KLHL7: variants seen among roughly 807,000 people sequenced by gnomAD.
KLHL7 encodes the protein kelch-like protein 7.
A neutral mutation model predicts 67.4 loss-of-function variants in KLHL7; 44 were observed. That is an observed-to-expected ratio of 0.65 (90% CI 0.51 to 0.84). The LOEUF is 0.84. Among genes scored for constraint, KLHL7 ranks in the 40% least tolerant of loss-of-function variants. KLHL7 has a pLI of 0.00. For synonymous variants in KLHL7, 252 were observed against 243.3 expected (o/e 1.04, Z -0.33); for missense variants, 362 against 718.1 (o/e 0.50, Z 5.67).
chr7:23,153,230 G>T (rs55788996), intron 7 of KLHL7, among the ~76,000 whole-genome samples: 2 of 151,666 alleles, frequency 1.3e-5, no homozygotes, highest in African/African-American at 2.4e-5. Flanking sequence ...GCGGCGGGGG[G>T]GCTACAACGC....
intron 9 of KLHL7, among the ~76,000 whole-genome samples, chr7:23,171,849 A>G (rs2128470283): frequency 6.6e-6 from 1 of 152,234 alleles, no homozygotes; most frequent in South Asian, 2.1e-4. Context: ...AGCTGGGACT[A>G]CAGGCGCCTG....
intron 7 of KLHL7, 94 bp downstream of exon 7, chr7:23,152,303 T>G: frequency 9.1e-7 from 1 of 1,100,268 alleles, no homozygotes; most frequent in Non-Finnish European, 1.4e-6. Flanking sequence ...AACTCATACC[T>G]TTAGAGATGA....
intron 1 of KLHL7, among the ~76,000 whole-genome samples, chr7:23,118,267 A>G (rs1472927191): frequency 6.6e-6 from 1 of 152,214 alleles, no homozygotes; most frequent in Admixed American, 6.5e-5. Flanking sequence ...AGCAGCACCA[A>G]AGTTTCTTTC....
chr7:23,142,694 A>G (rs905608318), intron 5 of KLHL7, among the ~76,000 whole-genome samples: 5 of 152,188 alleles, frequency 3.3e-5, no homozygotes, highest in Admixed American at 2.0e-4. Context: ...TAAGTAACAC[A>G]TCAGATAAAC....
intron 7 of KLHL7, among the ~76,000 whole-genome samples, chr7:23,158,567 A>G (rs1157973473): frequency 1.3e-5 from 2 of 152,214 alleles, no homozygotes; most frequent in Non-Finnish European, 2.9e-5. Flanking sequence ...CTTACCTGTT[A>G]CTAACAACAG....
chr7:23,177,489 T>G lies in KLHL7; in HGVS notation c.*3191T>G, dbSNP rs1219641829. On this transcript the variant is annotated 3_prime_UTR_variant, in exon 11 of 11. Transcript: ENST00000339077. Reference sequence around the variant, plus strand: ...TGTATCATAATTCCCAATTAGTGTCTTTTTCTGCCTTGGAAATTTCTACAG... The same window carrying G: ...TGTATCATAATTCCCAATTAGTGTCGTTTTCTGCCTTGGAAATTTCTACAG... 1.3e-5 allele frequency: 2 copies of G among 152,172 alleles called. No individual in the cohort carries two copies. Among genetic ancestry groups the G allele is most frequent in the Admixed American group, 6.5e-5 (1 of 15,280 alleles). The allele number at this position is 152,172 out of a possible 1,614,324, so 9.4% of individuals were successfully genotyped here.
intron 4 of KLHL7, among the ~76,000 whole-genome samples, chr7:23,130,664 G>T (rs1168262636): frequency 6.6e-6 from 1 of 152,104 alleles, no homozygotes; most frequent in Non-Finnish European, 1.5e-5. Flanking sequence ...GTAATTTAAA[G>T]ACTTATTTTT....
At chr7:23,144,976 T>C (rs1030925212) in intron 6 of KLHL7, among the ~76,000 whole-genome samples, 3 of 150,784 alleles carry the variant, frequency 2.0e-5, no homozygotes, top group Non-Finnish European at 4.4e-5. Context: ...CATGTGCCTG[T>C]GGTCCCAACT....
In KLHL7 at chr7:23,167,904, A is replaced by C; in HGVS notation, c.1246A>C (p.Met416Leu). 1 of 1,614,260 alleles carries C rather than the reference A, an allele frequency of 6.2e-7. No homozygotes were observed. The highest frequency in any genetic ancestry group is 8.5e-7 in the Non-Finnish European group (1 of 1,180,044). Reference sequence around the variant, plus strand: ...TGAAAGCTGGCACACAAAGCCCAGCATGCTGACCCAGCGCTGCAGCCATGG... The same window carrying C: ...TGAAAGCTGGCACACAAAGCCCAGCCTGCTGACCCAGCGCTGCAGCCATGG... ...RTESWHTKPS[M>L]LTQRCSHGMV... is the part of the protein sequence containing the mutation. The change falls in exon 9 of 11, where the codon ATG (methionine) becomes CTG (leucine). Residue 416 changes from methionine (M) to leucine (L), a missense_variant. Transcript: ENST00000339077.
chr7:23,160,612 C>A (rs932605058), intron 7 of KLHL7, among the ~76,000 whole-genome samples: 1 of 152,180 alleles, frequency 6.6e-6, no homozygotes, highest in African/African-American at 2.4e-5. Flanking sequence ...CTGATTTTAT[C>A]TAGCAGCCTG....
intron 1 of KLHL7, among the ~76,000 whole-genome samples, chr7:23,107,931 A>G (rs1315704464): frequency 1.3e-5 from 2 of 152,252 alleles, no homozygotes; most frequent in Non-Finnish European, 2.9e-5. Flanking sequence ...GTTTAACATC[A>G]TAACACAGGA....
At position 23,174,040 on chromosome 7, in the gene KLHL7, C is replaced by T. The variant is rs147111813; in HGVS notation, c.1503C>T (p.Tyr501=). 70 of 1,613,838 alleles carry T rather than the reference C, an allele frequency of 4.3e-5. No homozygotes were observed. Among genetic ancestry groups the T allele is most frequent in the African/African-American group, 6.7e-5 (5 of 74,858 alleles). Residue 501 remains tyrosine (Y), a synonymous_variant, in exon 11 of 11, where the codon TAC becomes TAT. Coordinates refer to ENST00000339077, the MANE Select transcript of KLHL7 (RefSeq NM_001031710.3). ...GLGGLDNVEY[Y]DIKLNEWKMV... Reference sequence around the variant, plus strand: ...GTGGTCTGGACAATGTGGAATATTACGATATTAAGTTGAACGAATGGAAGA... The same window carrying T: ...GTGGTCTGGACAATGTGGAATATTATGATATTAAGTTGAACGAATGGAAGA...
At chr7:23,129,237 C>T (rs2128461547) in intron 4 of KLHL7, 1 of 227,994 alleles carries the variant, frequency 4.4e-6, no homozygotes, top group Non-Finnish European at 8.7e-6. Context: ...TGGGCTTAGG[C>T]AAGGGCACTG....
At chr7:23,112,282 C>G (rs1275112077) in intron 1 of KLHL7, among the ~76,000 whole-genome samples, 1 of 152,010 alleles carries the variant, frequency 6.6e-6, no homozygotes, top group Admixed American at 6.6e-5. Context: ...GGAAAAGGAT[C>G]AAAGCATTGG....
intron 1 of KLHL7, among the ~76,000 whole-genome samples, chr7:23,123,490 A>T (rs1173149604): frequency 6.6e-6 from 1 of 152,082 alleles, no homozygotes; most frequent in African/African-American, 2.4e-5. Flanking sequence ...GTCAGAAAAA[A>T]AAAAAAAAAA....
Position 23,106,005 on chromosome 7 carries a change from G to A in KLHL7, c.-22G>A. The A allele has an allele frequency of 6.2e-7, 1 of 1,607,404 alleles. No individual in the cohort carries two copies. Among genetic ancestry groups the A allele is most frequent in the Non-Finnish European group, 8.5e-7 (1 of 1,178,116 alleles). On this transcript the variant is annotated 5_prime_UTR_variant, in exon 1 of 11. Transcript: ENST00000339077. ...CCTCGCCCGGCCCGGCGAGCCCCGG[G>A]CGTGAACCGAGCTGAGGGAGGATGG...
intron 7 of KLHL7, among the ~76,000 whole-genome samples, chr7:23,161,755 C>T (rs1300246689): frequency 6.6e-6 from 1 of 152,180 alleles, no homozygotes; most frequent in Non-Finnish European, 1.5e-5. Context: ...GAGCAGAGTG[C>T]AGCATCTACA....
At chr7:23,157,321 A>C (rs566664211) in intron 7 of KLHL7, among the ~76,000 whole-genome samples, 1 of 152,348 alleles carries the variant, frequency 6.6e-6, no homozygotes, top group South Asian at 2.1e-4. Flanking sequence ...CAATCATCCC[A>C]GATGAGGTGG....
chr7:23,163,168 CTT>C (rs375346183), intron 7 of KLHL7, among the ~76,000 whole-genome samples: 2 of 149,412 alleles, frequency 1.3e-5, no homozygotes, highest in Non-Finnish European at 3.0e-5. Context: ...AGCTTTTACT[CTT>C]TTTTTTTTGC....
Sources: gnomAD v4.1 joint callset for allele counts (sites outside exome capture counted in the v4.1 genomes callset) on GRCh38, gnomAD v4.1.1 for gene constraint, MANE v1.5 for transcripts, NCBI Gene and HGNC (gene_info 2026-07-23, HGNC 2026-07-21) for gene names.